Variants in TSPAN9 observed in about 807,000 individuals in gnomAD.
The protein encoded by TSPAN9 is tetraspanin 9.
In TSPAN9, 16 loss-of-function variants were observed where a neutral mutation model predicts 31.0. The observed-to-expected ratio is 0.52, with a 90% confidence interval of 0.35 to 0.78. The LOEUF (loss-of-function observed/expected upper bound fraction) is 0.78, where lower values mean the gene tolerates loss of function less well. TSPAN9 is among the 30% of genes least tolerant of loss of function. The probability of loss-of-function intolerance (pLI) is 0.01; values close to 1 mark genes in which losing one functional copy is unlikely to be tolerated. For synonymous variants in TSPAN9, 145 were observed against 121.6 expected (o/e 1.19, Z -1.27); for missense variants, 272 against 312.5 (o/e 0.87, Z 0.98).
intron 2 of TSPAN9, among the ~76,000 whole-genome samples, chr12:3,099,981 A>G (rs1669671913): frequency 6.6e-6 from 1 of 151,786 alleles, no homozygotes; most frequent in Admixed American, 6.6e-5. Context: ...TGCTGGGACT[A>G]CAGGTGCCTG....
intron 3 of TSPAN9, among the ~76,000 whole-genome samples, chr12:3,268,242 C>G (rs1862577734): frequency 7.7e-6 from 1 of 130,394 alleles, no homozygotes; most frequent in African/African-American, 3.1e-5. Context: ...GTTCCTGCAG[C>G]CTGCCCTCTG....
chr12:3,109,226 G>T, intron 2 of TSPAN9, among the ~76,000 whole-genome samples: 1 of 150,746 alleles, frequency 6.6e-6, no homozygotes, highest in East Asian at 2.0e-4. Flanking sequence ...GTGAGCCACC[G>T]CTCCTGGCCA....
intron 1 of TSPAN9, among the ~76,000 whole-genome samples, chr12:3,079,789 T>TA (rs397851314): frequency 4.0e-5 from 6 of 149,854 alleles, no homozygotes; most frequent in Non-Finnish European, 8.9e-5. Context: ...TTTTTTTTTT[T>TA]AGAGACAGGG....
chr12:3,140,394 C>T (rs2098334232), intron 2 of TSPAN9, among the ~76,000 whole-genome samples: 1 of 152,080 alleles, frequency 6.6e-6, no homozygotes, highest in African/African-American at 2.4e-5. Context: ...GGAGGAGAGT[C>T]ATGTGTGGTG....
At chr12:3,272,571 G>A (rs938583240) in intron 3 of TSPAN9, among the ~76,000 whole-genome samples, 1 of 151,870 alleles carries the variant, frequency 6.6e-6, no homozygotes, top group Non-Finnish European at 1.5e-5. Context: ...TGTGTGTTTA[G>A]TGAGGGTAGG....
intron 3 of TSPAN9, among the ~76,000 whole-genome samples, chr12:3,241,720 G>A (rs1243793377): frequency 6.6e-6 from 1 of 152,220 alleles, no homozygotes; most frequent in Non-Finnish European, 1.5e-5. Context: ...GCTGACCTTG[G>A]GTGGAGGTCC....
At chr12:3,217,466 C>T (rs1369282018) in intron 3 of TSPAN9, among the ~76,000 whole-genome samples, 1 of 150,482 alleles carries the variant, frequency 6.6e-6, no homozygotes, top group Non-Finnish European at 1.5e-5. Context: ...TGAGCCACTC[C>T]TTCTCTTCTG....
chr12:3,237,823 G>T (rs987299906), intron 3 of TSPAN9, among the ~76,000 whole-genome samples: 3 of 152,192 alleles, frequency 2.0e-5, no homozygotes, highest in Non-Finnish European at 4.4e-5. Flanking sequence ...CACACAGCCA[G>T]CTGCTGCCTG....
rs371242705 is a variant in TSPAN9, at chr12:3,140,313, AT to A, written c.-18+56599del. ...GTTGGTACCAAGGAAACTTGTAGGGATTTTTAGTCGACACTGAAGGACTTCT... is the reference window on the plus strand; with the variant it reads ...GTTGGTACCAAGGAAACTTGTAGGGATTTTAGTCGACACTGAAGGACTTCT... On this transcript the variant is annotated intron_variant, in intron 2 of 8. Coordinates refer to ENST00000011898, the MANE Select transcript of TSPAN9 (RefSeq NM_006675.5). Among the ~76,000 whole-genome samples, 49 of 152,114 alleles carry A rather than the reference AT, an allele frequency of 3.2e-4. No homozygotes were observed. In the East Asian group the frequency reaches 8.5e-3, roughly 26 times the overall value.
Position 3,284,841 on chromosome 12 carries a change from C to T in TSPAN9, c.*1725C>T, listed in dbSNP as rs1220913391. The T allele has an allele frequency of 1.3e-5, 2 of 152,346 alleles. No homozygotes were observed. Among genetic ancestry groups the T allele is most frequent in the African/African-American group, 2.4e-5 (1 of 41,460 alleles). 9.4% of individuals were successfully genotyped at this position (152,346 alleles called of 1,614,324 possible). A position where few individuals can be genotyped will look rare whatever the true frequency, so the allele number is the denominator to read the frequency against. ...GTTTCCCACTGGGGCCAGGTCTCTT[C>T]TCCAGCCTCCACCTGCCTGTCTGAT... On this transcript the variant is annotated 3_prime_UTR_variant, in exon 9 of 9. Coordinates refer to ENST00000011898, the MANE Select transcript of TSPAN9 (RefSeq NM_006675.5).
intron 2 of TSPAN9, among the ~76,000 whole-genome samples, chr12:3,141,816 G>T (rs1427874811): frequency 2.0e-5 from 3 of 152,128 alleles, no homozygotes; most frequent in African/African-American, 7.2e-5. Flanking sequence ...CTGTTCTGTG[G>T]GCTGCTCTTG....
chr12:3,261,467 T>A (rs1862447167), intron 3 of TSPAN9, among the ~76,000 whole-genome samples: 1 of 152,058 alleles, frequency 6.6e-6, no homozygotes, highest in African/African-American at 2.4e-5. Flanking sequence ...GAGCCTACGC[T>A]CTCAACCATG....
chr12:3,117,830 C>G (rs866390451), intron 2 of TSPAN9, among the ~76,000 whole-genome samples: 1 of 152,290 alleles, frequency 6.6e-6, no homozygotes, highest in Middle Eastern at 3.4e-3. Flanking sequence ...GTCCAATCCC[C>G]TGAGCAGATC....
intron 3 of TSPAN9, among the ~76,000 whole-genome samples, chr12:3,223,053 CCT>C (rs1219177130): frequency 6.6e-6 from 1 of 152,224 alleles, no homozygotes; most frequent in Non-Finnish European, 1.5e-5. Context: ...GCTGTCCTCC[CCT>C]GTCTATTAAC....
chr12:3,247,148 G>A (rs1413152311), intron 3 of TSPAN9, among the ~76,000 whole-genome samples: 1 of 152,138 alleles, frequency 6.6e-6, no homozygotes, highest in East Asian at 1.9e-4. Flanking sequence ...GGTGTCTTGG[G>A]AATGACTGTG....
chr12:3,254,532 T>C (rs2153978446), intron 3 of TSPAN9, among the ~76,000 whole-genome samples: 1 of 152,350 alleles, frequency 6.6e-6, no homozygotes, highest in South Asian at 2.1e-4. Flanking sequence ...AAGTGACAGC[T>C]AAAATGGATG....
At chr12:3,252,240 A>G (rs1862256222) in intron 3 of TSPAN9, among the ~76,000 whole-genome samples, 1 of 152,100 alleles carries the variant, frequency 6.6e-6, no homozygotes, top group African/African-American at 2.4e-5. Context: ...TATGATTTCC[A>G]CACTCCCTGG....
At chr12:3,115,537 T>C (rs1336048242) in intron 2 of TSPAN9, among the ~76,000 whole-genome samples, 2 of 152,192 alleles carry the variant, frequency 1.3e-5, no homozygotes, top group Non-Finnish European at 1.5e-5. Flanking sequence ...AGGCATTTAT[T>C]TATCCCAGTT....
At chr12:3,104,634 G>T (rs1222363862) in intron 2 of TSPAN9, among the ~76,000 whole-genome samples, 8 of 152,122 alleles carry the variant, frequency 5.3e-5, no homozygotes, top group African/African-American at 1.9e-4. Context: ...GATTACAGGC[G>T]TGAGCCACTG....
Sources: allele counts gnomAD v4.1 joint callset (sites outside exome capture counted in the v4.1 genomes callset), GRCh38; gene constraint gnomAD v4.1.1; transcripts MANE v1.5; gene names NCBI Gene and HGNC (gene_info 2026-07-23, HGNC 2026-07-21).